Variants in SP3 observed in about 807,000 individuals in gnomAD.
The protein encoded by SP3 is Sp3 transcription factor.
A neutral mutation model predicts 70.3 loss-of-function variants in SP3; 10 were observed. The ratio of observed to expected loss-of-function variants is 0.14; its 90% CI spans 0.09 to 0.24. The LOEUF is 0.24. SP3 is among the 10% of genes least tolerant of loss of function. The pLI, the probability that SP3 is intolerant of heterozygous loss-of-function variation, is 1.00. For missense variants in SP3, 825 were observed against 914.6 expected (o/e 0.90, Z 1.26); for synonymous variants, 402 against 333.5 (o/e 1.21, Z -2.24).
At chr2:173,964,733 C>T in intron 1 of SP3, 180 bp from the exon 2 acceptor site, 1 of 373,848 alleles carries the variant, frequency 2.7e-6, no homozygotes, top group Non-Finnish European at 4.8e-6. Flanking sequence ...GCTGCTGCCC[C>T]CGCCCGCCGC....
rs1248576203 is a variant in SP3 at position 173,905,548 on chromosome 2, C to A, written c.*4393G>T. Among the ~76,000 whole-genome samples the A allele has an allele frequency of 6.6e-6, 1 of 152,110 alleles. No homozygotes were observed. Among genetic ancestry groups the A allele is most frequent in the Non-Finnish European group, 1.5e-5 (1 of 68,024 alleles). ...AGGATATCATTCTTAACATCAAAAACTGTATCTTAAACGTATTTAATACAA... is the reference window on the plus strand; with the variant it reads ...AGGATATCATTCTTAACATCAAAAAATGTATCTTAAACGTATTTAATACAA... On this transcript the variant is annotated 3_prime_UTR_variant, in exon 7 of 7. Coordinates refer to ENST00000310015, the MANE Select transcript of SP3 (RefSeq NM_003111.5).
Position 173,964,494 on chromosome 2 carries a change from C to T in SP3, c.67G>A (p.Gly23Ser), listed in dbSNP as rs1008482714. 1.4e-6 allele frequency: 1 copy of T among 702,682 alleles called. No homozygotes were observed. The highest frequency in any genetic ancestry group is 2.6e-6 in the Non-Finnish European group (1 of 378,826). 43.5% of individuals were successfully genotyped at this position (702,682 alleles called of 1,614,324 possible). The change falls in exon 2 of 7, where the codon GGC becomes AGC. Residue 23 changes from glycine to serine, a missense_variant. Physicochemically the swap from Gly to Ser is moderately conservative, Grantham distance 56 (BLOSUM62 0). Transcript: ENST00000310015. ...CCGTGGCCGCCGCCGCCGCCACCGCCGCCGCCGCTATCCACGTCCAAGGCA... is the reference window on the plus strand; with the variant it reads ...CCGTGGCCGCCGCCGCCGCCACCGCTGCCGCCGCTATCCACGTCCAAGGCA... ...MAALDVDSGGGGGGGGGHGEY... is the reference protein window; with the variant it reads ...MAALDVDSGGSGGGGGGHGEY...
Position 173,964,417 on chromosome 2 carries a change from T to TGCCGCC in SP3, c.138_143dup (p.Ala50_Ala51dup). ...AGCCGCTCCTCACCTGGGCCGCCGC[T>TGCCGCC]GCCGCCGCCACCGCACCGTTTCCGT... is the stretch of plus-strand genomic sequence containing the variant. On this transcript the variant is annotated inframe_insertion, in exon 2 of 7. Transcript: ENST00000310015. 1 of 721,066 alleles carries TGCCGCC rather than the reference T, an allele frequency of 1.4e-6. No individual in the cohort carries two copies. The allele number at this position is 721,066 out of a possible 1,614,324, so 44.7% of individuals were successfully genotyped here. A position where few individuals can be genotyped will look rare whatever the true frequency, so the allele number is the denominator to read the frequency against.
chr2:173,926,309 C>T (rs905417918), intron 4 of SP3, among the ~76,000 whole-genome samples: 1 of 151,982 alleles, frequency 6.6e-6, no homozygotes, highest in Non-Finnish European at 1.5e-5. Flanking sequence ...ATTTTTTAAC[C>T]TCATCTCTTG....
intron 3 of SP3, among the ~76,000 whole-genome samples, chr2:173,960,719 C>T (rs1027303888): frequency 6.6e-6 from 1 of 152,074 alleles, no homozygotes; most frequent in African/African-American, 2.4e-5. Flanking sequence ...GCCTGTAATC[C>T]CAGCACTTTG....
rs944478343 is a variant in SP3, at chr2:173,905,176, T to C, written c.*4765A>G. Among the ~76,000 whole-genome samples, 3 of 152,334 alleles carry C rather than the reference T, an allele frequency of 2.0e-5. No homozygotes were observed. The East Asian group carries it at 5.8e-4, about 29-fold the overall frequency. ...ATTAGAAATAAGACTTCTTCTCATT[T>C]TGGAAAAATCAATGTATGAACCATA... On this transcript the variant is annotated 3_prime_UTR_variant, in exon 7 of 7. Transcript: ENST00000310015.
At chr2:173,952,036 A>T (rs925139171) in intron 4 of SP3, among the ~76,000 whole-genome samples, 13 of 152,142 alleles carry the variant, frequency 8.5e-5, no homozygotes, top group Non-Finnish European at 1.9e-4. Context: ...TGGAAAGCAC[A>T]AATTTTGTCA....
chr2:173,954,403 C>T (rs187540582), intron 4 of SP3, among the ~76,000 whole-genome samples: 171 of 152,192 alleles, frequency 1.1e-3, no homozygotes, highest in African/African-American at 3.9e-3. Flanking sequence ...ACTGAGTTTG[C>T]GAAAGAAAAA....
In SP3 at chr2:173,930,495, A is replaced by C. The variant is rs113618842; in HGVS notation, c.1640-11710T>G. ...CTGGACTCTGTATTGCTTTTCATTC[A>C]TACTTGCAAACTAACCAATTATTTT... On this transcript the variant is annotated intron_variant, in intron 4 of 6. Transcript: ENST00000310015. 1.1e-3 allele frequency among the ~76,000 whole-genome samples: 173 copies of C among 152,340 alleles called. 3 individuals carry two copies. Among genetic ancestry groups the C allele is most frequent in the African/African-American group, 4.0e-3 (165 of 41,588 alleles).
chr2:173,960,832 C>T (rs1372083706), intron 3 of SP3, among the ~76,000 whole-genome samples: 1 of 151,880 alleles, frequency 6.6e-6, no homozygotes, highest in Non-Finnish European at 1.5e-5. Flanking sequence ...AAAAATTAGC[C>T]GGGCATGGTG....
Position 173,942,565 on chromosome 2 carries a change from C to T in SP3, c.1639+12308G>A, listed in dbSNP as rs182265105. Among the ~76,000 whole-genome samples, 316 of 152,286 alleles carry T rather than the reference C, an allele frequency of 2.1e-3. 1 individual carries two copies. Among genetic ancestry groups the T allele is most frequent in the Non-Finnish European group, 3.1e-3 (214 of 68,018 alleles). ...TGGGTGACTGGAAAAGAAACTATGACCTGAATATTTCATCGAGTCATATCT... is the reference window on the plus strand; with the variant it reads ...TGGGTGACTGGAAAAGAAACTATGATCTGAATATTTCATCGAGTCATATCT... On this transcript the variant is annotated intron_variant, in intron 4 of 6. Coordinates refer to ENST00000310015, the MANE Select transcript of SP3 (RefSeq NM_003111.5).
At chr2:173,925,506 A>G (rs969435899) in intron 4 of SP3, among the ~76,000 whole-genome samples, 2 of 152,240 alleles carry the variant, frequency 1.3e-5, no homozygotes, top group African/African-American at 4.8e-5. Context: ...AACAATGTGA[A>G]TACACTTAAC....
intron 4 of SP3, among the ~76,000 whole-genome samples, chr2:173,923,026 T>C (rs1301938195): frequency 6.6e-6 from 1 of 152,198 alleles, no homozygotes; most frequent in Non-Finnish European, 1.5e-5. Context: ...TATAAAGAAA[T>C]GAATGTGCTG....
intron 4 of SP3, among the ~76,000 whole-genome samples, chr2:173,935,461 CA>C (rs1413974008): frequency 6.6e-6 from 1 of 152,084 alleles, no homozygotes; most frequent in Non-Finnish European, 1.5e-5. Context: ...TTTACAATGC[CA>C]AATGTCAGGG....
intron 4 of SP3, among the ~76,000 whole-genome samples, chr2:173,925,223 T>C (rs1197564061): frequency 1.3e-5 from 2 of 152,176 alleles, no homozygotes; most frequent in African/African-American, 4.8e-5. Flanking sequence ...TGTGAAATAT[T>C]CTATTGTATG....
intron 5 of SP3, chr2:173,916,064 C>T (rs1002014209): frequency 6.6e-6 from 1 of 151,980 alleles, no homozygotes; most frequent in African/African-American, 2.4e-5. Flanking sequence ...GGATTTACTA[C>T]CTATGTTATG....
chr2:173,906,725 G>T lies in SP3; in HGVS notation c.*3216C>A, dbSNP rs551926428. The T allele has an allele frequency of 1.3e-5, 2 of 152,098 alleles. No homozygotes were observed. The highest frequency in any genetic ancestry group is 4.8e-5 in the African/African-American group (2 of 41,416). The allele number at this position is 152,098 out of a possible 1,614,324, so 9.4% of individuals were successfully genotyped here. On this transcript the variant is annotated 3_prime_UTR_variant, in exon 7 of 7. Coordinates refer to ENST00000310015, the MANE Select transcript of SP3 (RefSeq NM_003111.5). The stretch of plus-strand genomic sequence containing the variant: ...GTACTGGAATTTAAACTACAATTAA[G>T]AGCCTAAGGGGATGCTTGCTCTATT...
intron 4 of SP3, among the ~76,000 whole-genome samples, chr2:173,935,124 A>C (rs1195606967): frequency 6.6e-6 from 1 of 152,084 alleles, no homozygotes; most frequent in Non-Finnish European, 1.5e-5. Flanking sequence ...TCATGCCTGT[A>C]ATTGGAGGCC....
rs753177770 is a variant in SP3 at position 173,955,749 on chromosome 2, T to C, written c.763A>G (p.Asn255Asp). The C allele has an allele frequency of 2.0e-5, 32 of 1,614,050 alleles. No individual in the cohort carries two copies. The highest frequency in any genetic ancestry group is 2.7e-5 in the Non-Finnish European group (32 of 1,180,018). Reference sequence around the variant, plus strand: ...TTTCCTGGCAGACCAAGAGGCACATTAGCAACTACTTGGGTTTGACCAGGA... The same window carrying C: ...TTTCCTGGCAGACCAAGAGGCACATCAGCAACTACTTGGGTTTGACCAGGA... The part of the protein sequence containing the change: ...SFPGQTQVVA[N>D]VPLGLPGNIT... The change falls in exon 4 of 7, where the codon AAT (asparagine) becomes GAT (aspartate). Residue 255 changes from asparagine to aspartate, a missense_variant. Physicochemically the swap from Asn to Asp is conservative, Grantham distance 23 (BLOSUM62 1). Coordinates refer to ENST00000310015, the MANE Select transcript of SP3 (RefSeq NM_003111.5).
Sources: gnomAD v4.1 joint callset for allele counts (sites outside exome capture counted in the v4.1 genomes callset) on GRCh38, gnomAD v4.1.1 for gene constraint, MANE v1.5 for transcripts, NCBI Gene and HGNC (gene_info 2026-07-23, HGNC 2026-07-21) for gene names.